PARP8: variants seen among roughly 807,000 people sequenced by gnomAD.
PARP8 encodes poly(ADP-ribose) polymerase family member 8, also known as protein mono-ADP-ribosyltransferase PARP8.
Under a neutral mutation model 124.1 loss-of-function variants are expected in PARP8, and 51 were observed. The observed-to-expected ratio is 0.41, with a 90% CI of 0.33 to 0.52. PARP8 has a LOEUF of 0.52. Among genes scored for constraint, PARP8 ranks in the 20% least tolerant of loss-of-function variants. PARP8 has a pLI of 0.21. For synonymous variants in PARP8, 391 were observed against 361.5 expected, an observed-to-expected ratio of 1.08 and a Z score of -0.93; for missense variants, 860 against 1,018.9, an observed-to-expected ratio of 0.84 and a Z score of 2.12.
At chr5:50,726,602 A>C (rs1337446421) in intron 2 of PARP8, among the ~76,000 whole-genome samples, 1 of 152,182 alleles carries the variant, frequency 6.6e-6, no homozygotes, top group African/African-American at 2.4e-5. Flanking sequence ...CACAGCGATG[A>C]TTGAGGAAAT....
At chr5:50,738,626 G>A (rs997028220) in intron 2 of PARP8, among the ~76,000 whole-genome samples, 2 of 150,892 alleles carry the variant, frequency 1.3e-5, no homozygotes, top group African/African-American at 4.9e-5. Flanking sequence ...AACCAATGGT[G>A]TCTAATCTTT....
At chr5:50,805,815 C>A (rs1743777422) in intron 14 of PARP8, among the ~76,000 whole-genome samples, 1 of 152,034 alleles carries the variant, frequency 6.6e-6, no homozygotes, top group African/African-American at 2.4e-5. Context: ...ACTTTTCTCT[C>A]AGAGATATGT....
At chr5:50,682,019 C>T (rs750104573) in intron 2 of PARP8, among the ~76,000 whole-genome samples, 39 of 152,098 alleles carry the variant, frequency 2.6e-4, no homozygotes, top group Admixed American at 2.3e-3. Context: ...TTGTTTGTTT[C>T]GTTTTCTTAT....
rs878868007 is a variant in PARP8 at position 50,794,945 on chromosome 5, G to A, written c.956G>A (p.Arg319Gln). The A allele has an allele frequency of 1.1e-5, 17 of 1,614,034 alleles. No individual in the cohort carries two copies. The highest frequency in any genetic ancestry group is 8.3e-5 in the Admixed American group (5 of 60,000). Residue 319 changes from arginine (R) to glutamine (Q), a missense_variant, in exon 12 of 26, where the codon CGG becomes CAG. This residue lies in a region of PARP8 where 517 missense variants were observed against 544.2 expected (regional missense o/e 0.95). Coordinates refer to ENST00000281631, the MANE Select transcript of PARP8 (RefSeq NM_024615.4). The part of the protein sequence containing the change: ...DGISKTHKLL[R>Q]RTCSSTVKTD... ...ATCTCCAAAACGCATAAGCTGCTGC[G>A]GAGGACTTGTTCCAGCACAGTCAAG... is the stretch of plus-strand genomic sequence containing the variant.
chr5:50,821,950 A>G (rs1365966396), intron 16 of PARP8, among the ~76,000 whole-genome samples: 2 of 152,230 alleles, frequency 1.3e-5, no homozygotes, highest in Non-Finnish European at 2.9e-5. Flanking sequence ...ACAATATTCA[A>G]CTCAAAATAA....
intron 15 of PARP8, 134 bp from the exon 16 acceptor site, chr5:50,821,079 G>C: frequency 1.0e-6 from 1 of 978,208 alleles, no homozygotes; most frequent in East Asian, 2.5e-5. Context: ...CTCAAGTCTT[G>C]CATTACACAT....
intron 16 of PARP8, 23 bp from the exon 17 acceptor site, chr5:50,822,312 A>C (rs779764892): frequency 1.9e-5 from 29 of 1,563,924 alleles, no homozygotes; most frequent in Non-Finnish European, 2.5e-5. Flanking sequence ...GCTGTTTTTT[A>C]ACATCACTTT....
At position 50,760,372 on chromosome 5, in the gene PARP8, T is replaced by C. The variant is rs764244795; in HGVS notation, c.345+10T>C. The C allele has an allele frequency of 6.7e-7, 1 of 1,493,754 alleles. No individual in the cohort carries two copies. The highest frequency in any genetic ancestry group is 1.2e-5 in the South Asian group (1 of 81,286). The allele number at this position is 1,493,754 out of a possible 1,614,324, so 92.5% of individuals were successfully genotyped here. On this transcript the variant is annotated intron_variant, in intron 5 of 25. Transcript: ENST00000281631. ...AAAGGAAAATGGGGAGGTATGTAAA[T>C]TATATTTTTTATTTTCTTGAAACAG...
intron 22 of PARP8, among the ~76,000 whole-genome samples, chr5:50,831,515 A>G (rs1010902447): frequency 3.9e-5 from 6 of 152,198 alleles, no homozygotes; most frequent in African/African-American, 1.4e-4. Flanking sequence ...AATAAATACC[A>G]GGAAGTGTAA....
intron 2 of PARP8, among the ~76,000 whole-genome samples, chr5:50,684,565 A>G (rs1344992619): frequency 6.6e-6 from 1 of 152,106 alleles, no homozygotes. Context: ...CATAAAAAGG[A>G]TAAAATGCCT....
chr5:50,728,390 G>A (rs944933606), intron 2 of PARP8, among the ~76,000 whole-genome samples: 3 of 152,078 alleles, frequency 2.0e-5, no homozygotes, highest in African/African-American at 7.2e-5. Flanking sequence ...TTTTGAGAAG[G>A]TTTTAATAGC....
chr5:50,794,907 T>G lies in PARP8; in HGVS notation c.918T>G (p.Ser306=). The G allele has an allele frequency of 6.2e-7, 1 of 1,614,180 alleles. No individual in the cohort carries two copies. Among genetic ancestry groups the G allele is most frequent in the Non-Finnish European group, 8.5e-7 (1 of 1,180,014 alleles). ...GCAAAAGCAAATCCAAACTGAAATC[T>G]GAGCAGGACGGAATCTCCAAAACGC... ...GCGKSKSKLK[S]EQDGISKTHK... is the part of the protein sequence containing the mutation. The change falls in exon 12 of 26, where the codon TCT becomes TCG. Residue 306 remains serine (S), a synonymous_variant. Transcript: ENST00000281631.
Position 50,841,953 on chromosome 5 carries a change from T to G in PARP8, c.2463-13T>G. On this transcript the variant is annotated splice_polypyrimidine_tract_variant and intron_variant, in intron 25 of 25. Transcript: ENST00000281631. ...TTTAAAATGTTTTTATATTTTTATG[T>G]TTTGTATTTCAGCTATGAAGACGGC... The G allele has an allele frequency of 6.5e-7, 1 of 1,539,206 alleles. No individual in the cohort carries two copies. The highest frequency in any genetic ancestry group is 1.8e-5 in the Admixed American group (1 of 55,138).
Position 50,794,371 on chromosome 5 carries a change from C to T in PARP8, c.863+39C>T, listed in dbSNP as rs370022691. On this transcript the variant is annotated intron_variant, in intron 11 of 25. Transcript: ENST00000281631. ...AACTTCGTCATTGTCTTACTGAATG[C>T]TGAGTGTGTGATGTAGTTCATGCTT... is the stretch of plus-strand genomic sequence containing the variant. 1.3e-4 allele frequency: 208 copies of T among 1,604,878 alleles called. No homozygotes were observed. In the African/African-American group the frequency reaches 2.6e-3, roughly 20 times the overall value.
chr5:50,794,442 A>G, intron 11 of PARP8, 110 bp downstream of exon 11: 1 of 1,281,914 alleles, frequency 7.8e-7, no homozygotes, highest in Non-Finnish European at 1.1e-6. Flanking sequence ...TTTCTTTATA[A>G]CCTCTAAGAA....
chr5:50,697,059 G>A (rs1753111354), intron 2 of PARP8, among the ~76,000 whole-genome samples: 1 of 152,086 alleles, frequency 6.6e-6, no homozygotes. Context: ...ATGAGGTCAG[G>A]AGATGGAGAC....
chr5:50,817,310 AT>A (rs1458950282), intron 15 of PARP8, among the ~76,000 whole-genome samples: 1 of 152,242 alleles, frequency 6.6e-6, no homozygotes, highest in African/African-American at 2.4e-5. Flanking sequence ...AAAAATCAAT[AT>A]CAAAAGATCA....
chr5:50,773,428 T>G (rs1275525013), intron 7 of PARP8, among the ~76,000 whole-genome samples: 1 of 152,238 alleles, frequency 6.6e-6, no homozygotes, highest in Non-Finnish European at 1.5e-5. Flanking sequence ...TTGAAGAGAC[T>G]GCTCTTTCCT....
chr5:50,751,047 T>A (rs1262218571), intron 3 of PARP8, among the ~76,000 whole-genome samples: 1 of 152,196 alleles, frequency 6.6e-6, no homozygotes, highest in African/African-American at 2.4e-5. Flanking sequence ...CAAAAATTAA[T>A]GTGCTTCTCA....
Sources: allele counts gnomAD v4.1 joint callset (sites outside exome capture counted in the v4.1 genomes callset), GRCh38; gene constraint gnomAD v4.1.1; regional missense constraint gnomAD v4.1.1; transcripts MANE v1.5; gene names NCBI Gene and HGNC (gene_info 2026-07-23, HGNC 2026-07-21).